Variants in PCDHGA8 observed in about 807,000 individuals in gnomAD.
PCDHGA8 encodes the protein protocadherin gamma-A8.
Under a neutral mutation model 59.2 loss-of-function variants are expected in PCDHGA8, and 45 were observed. That is an observed-to-expected ratio of 0.76 (90% confidence interval 0.60 to 0.98). PCDHGA8 has a LOEUF of 0.98. PCDHGA8 is among the 50% of genes least tolerant of loss of function. PCDHGA8 has a pLI of 0.00. For missense variants in PCDHGA8, 1,257 were observed against 1,196.2 expected, an observed-to-expected ratio of 1.05 and a Z score of -0.75; for synonymous variants, 531 against 519.0, an observed-to-expected ratio of 1.02 and a Z score of -0.32.
At chr5:141,419,974 C>T (rs368697962) in intron 1 of PCDHGA8, 3 of 1,613,962 alleles carry the variant, frequency 1.9e-6, no homozygotes, top group Non-Finnish European at 2.5e-6. Context: ...TCTTTCTCCT[C>T]GCGGTGATTC....
chr5:141,422,938 G>A (rs1226350240), intron 1 of PCDHGA8: 2 of 1,614,116 alleles, frequency 1.2e-6, no homozygotes, highest in Non-Finnish European at 1.7e-6. Flanking sequence ...CCTCCCCACA[G>A]ACGGCTCCAC....
intron 1 of PCDHGA8, among the ~76,000 whole-genome samples, chr5:141,406,166 G>A (rs778809031): frequency 1.6e-4 from 24 of 151,400 alleles, no homozygotes; most frequent in Non-Finnish European, 3.2e-4. Context: ...TCAATCTCCT[G>A]GGCTTATGCA....
At chr5:141,428,362 G>T (rs868168419) in intron 1 of PCDHGA8, 2 of 556,756 alleles carry the variant, frequency 3.6e-6, no homozygotes, top group Non-Finnish European at 6.6e-6. Context: ...TTTGGCGGTC[G>T]CCTTGCACCT....
chr5:141,424,100 G>A (rs1362239131), intron 1 of PCDHGA8: 1 of 832,456 alleles, frequency 1.2e-6, no homozygotes, highest in East Asian at 1.2e-4. Flanking sequence ...TGCTATTACT[G>A]CTAATGTTCA....
In PCDHGA8 at chr5:141,423,562, A is replaced by G. The variant is rs374427537; in HGVS notation, c.2424+28325A>G. On this transcript the variant is annotated intron_variant, in intron 1 of 3. Coordinates refer to ENST00000398604, the MANE Select transcript of PCDHGA8 (RefSeq NM_032088.2). ...TTTCCCCCAGCCCAACTATGGGGAC[A>G]CGCTCATCAGCCAGGAGAGCTGTGA... is the stretch of plus-strand genomic sequence containing the variant. 7 of 1,613,498 alleles carry G rather than the reference A, an allele frequency of 4.3e-6. No homozygotes were observed. The African/African-American group carries it at 8.0e-5, about 18-fold the overall frequency.
chr5:141,435,952 G>A lies in PCDHGA8; in HGVS notation c.2424+40715G>A, dbSNP rs944960593. ...TTGCTGCTTCTGAGACCAAAAAAGG[G>A]GGCAAAATATAGAGTGTGTGGTTCT... is the stretch of plus-strand genomic sequence containing the variant. On this transcript the variant is annotated intron_variant, in intron 1 of 3. Transcript: ENST00000398604. Among the ~76,000 whole-genome samples the A allele has an allele frequency of 2.6e-5, 4 of 152,098 alleles. No individual in the cohort carries two copies. The South Asian group carries it at 8.3e-4, about 32-fold the overall frequency.
chr5:141,512,702 C>T lies in PCDHGA8; in HGVS notation c.*1529C>T, dbSNP rs940927635. 2.0e-5 allele frequency: 3 copies of T among 152,828 alleles called. No homozygotes were observed. Among genetic ancestry groups the T allele is most frequent in the Non-Finnish European group, 2.9e-5 (2 of 68,560 alleles). The allele number at this position is 152,828 out of a possible 1,614,324, so 9.5% of individuals were successfully genotyped here. ...ATAGCCAGTAGTGTAGTGCGGTGTG[C>T]TTTTACGTGATGGCGGGTGGGCAGC... On this transcript the variant is annotated 3_prime_UTR_variant, in exon 4 of 4. Transcript: ENST00000398604.
chr5:141,474,242 G>A (rs575397598), intron 1 of PCDHGA8, among the ~76,000 whole-genome samples: 1 of 152,192 alleles, frequency 6.6e-6, no homozygotes, highest in African/African-American at 2.4e-5. Context: ...GCTGAATAGG[G>A]GAAAAAAAGA....
At chr5:141,451,004 T>A (rs2098704048) in intron 1 of PCDHGA8, among the ~76,000 whole-genome samples, 1 of 151,474 alleles carries the variant, frequency 6.6e-6, no homozygotes, top group South Asian at 2.1e-4. Flanking sequence ...TTTTTGTATT[T>A]TTTTTAGTAG....
intron 1 of PCDHGA8, chr5:141,402,959 G>C: frequency 1.2e-5 from 19 of 1,604,470 alleles, no homozygotes; most frequent in Non-Finnish European, 1.5e-5. Context: ...AGCAATGGCA[G>C]CTCCAACCAA....
Position 141,487,540 on chromosome 5 carries a change from G to T in PCDHGA8, c.2425-7267G>T, listed in dbSNP as rs1319372340. The T allele has an allele frequency of 1.2e-6, 2 of 1,614,208 alleles. No homozygotes were observed. Among genetic ancestry groups the T allele is most frequent in the Admixed American group, 3.3e-5 (2 of 60,034 alleles). ...GGAGTGATAGCTTCATGATGGTGAA[G>T]TCACCCAGTGCACCTATGGCAGGGG... is the stretch of plus-strand genomic sequence containing the variant. On this transcript the variant is annotated intron_variant, in intron 1 of 3. Transcript: ENST00000398604. This position sits in a 1 kb window ranked among gnomAD's most constrained non-coding sequence, Gnocchi z 5.0.
chr5:141,509,709 T>C (rs1344120168), intron 3 of PCDHGA8, among the ~76,000 whole-genome samples: 1 of 152,200 alleles, frequency 6.6e-6, no homozygotes, highest in African/African-American at 2.4e-5. Context: ...CTGGAGGTGC[T>C]GTCTGATGTC....
At chr5:141,411,958 GAT>G (rs1485546812) in intron 1 of PCDHGA8, 1 of 152,192 alleles carries the variant, frequency 6.6e-6, no homozygotes, top group African/African-American at 2.4e-5. Flanking sequence ...GAAGAAAAAA[GAT>G]AAAATCTTTG....
intron 1 of PCDHGA8, chr5:141,422,767 G>T: frequency 6.2e-7 from 1 of 1,613,786 alleles, no homozygotes; most frequent in Non-Finnish European, 8.5e-7. Context: ...CAACACTGGT[G>T]TTCTCTATGC....
At chr5:141,440,593 T>C (rs1456640262) in intron 1 of PCDHGA8, 1 of 152,202 alleles carries the variant, frequency 6.6e-6, no homozygotes, top group African/African-American at 2.4e-5. Context: ...TGGAACAAGA[T>C]TTGCAACAGA....
At chr5:141,419,588 A>T in intron 1 of PCDHGA8, 1 of 1,611,830 alleles carries the variant, frequency 6.2e-7, no homozygotes, top group East Asian at 2.2e-5. Flanking sequence ...GCTCTTCGAC[A>T]CAGTGCCGCG....
At position 141,476,591 on chromosome 5, in the gene PCDHGA8, G is replaced by C. The variant is rs200254399; in HGVS notation, c.2425-18216G>C. The C allele has an allele frequency of 6.2e-7, 1 of 1,614,230 alleles. No homozygotes were observed. Among genetic ancestry groups the C allele is most frequent in the East Asian group, 2.2e-5 (1 of 44,870 alleles). On this transcript the variant is annotated intron_variant, in intron 1 of 3. Coordinates refer to ENST00000398604, the MANE Select transcript of PCDHGA8 (RefSeq NM_032088.2). This position sits in a 1 kb window ranked among gnomAD's most constrained non-coding sequence, Gnocchi z 7.6. ...GGGGACGCGCTTTCCGCTCGAGAGCGCGCACGATCCCGATGTGGGAAGCAA... is the reference window on the plus strand; with the variant it reads ...GGGGACGCGCTTTCCGCTCGAGAGCCCGCACGATCCCGATGTGGGAAGCAA...
chr5:141,477,560 T>C lies in PCDHGA8; in HGVS notation c.2425-17247T>C, dbSNP rs2099412994. The C allele has an allele frequency of 1.2e-6, 2 of 1,614,078 alleles. No homozygotes were observed. Among genetic ancestry groups the C allele is most frequent in the South Asian group, 2.2e-5 (2 of 91,094 alleles). ...GGCTCCAATACTAAACCTAAGTGTC[T>C]GGGACCCCGACGCCCCGCAGAATGC... On this transcript the variant is annotated intron_variant, in intron 1 of 3. Transcript: ENST00000398604. This position sits in a 1 kb window ranked among gnomAD's most constrained non-coding sequence, Gnocchi z 4.9.
At chr5:141,451,561 C>T (rs1412657561) in intron 1 of PCDHGA8, among the ~76,000 whole-genome samples, 2 of 152,096 alleles carry the variant, frequency 1.3e-5, no homozygotes, top group Non-Finnish European at 2.9e-5. Flanking sequence ...ATGAAAGCCA[C>T]AATCTTTTTA....
Sources: gnomAD v4.1 joint callset for allele counts (sites outside exome capture counted in the v4.1 genomes callset) on GRCh38, gnomAD v4.1.1 for gene constraint, Gnocchi (gnomAD v3.1) non-coding constraint, MANE v1.5 for transcripts, NCBI Gene and HGNC (gene_info 2026-07-23, HGNC 2026-07-21) for gene names.